KCNJ6: variants seen among roughly 807,000 people sequenced by gnomAD.
The protein encoded by KCNJ6 is G protein-activated inward rectifier potassium channel 2.
KCNJ6 carries 9 observed loss-of-function variants against 34.2 expected under a neutral mutation model. The observed-to-expected ratio is 0.26, with a 90% CI of 0.16 to 0.46. The LOEUF (loss-of-function observed/expected upper bound fraction) is 0.46, where lower values mean the gene tolerates loss of function less well. KCNJ6 is among the 20% of genes least tolerant of loss of function. KCNJ6 has a pLI of 1.00. For synonymous variants in KCNJ6, 196 were observed against 207.1 expected, an observed-to-expected ratio of 0.95 and a Z score of 0.46; for missense variants, 236 against 531.3, an observed-to-expected ratio of 0.44 and a Z score of 5.46.
chr21:37,719,994 G>T (rs857958), intron 2 of KCNJ6, among the ~76,000 whole-genome samples: 24,151 of 152,020 alleles, frequency 0.16, 2,031 homozygotes, highest in Middle Eastern at 0.22. Context: ...TTTTAATGTC[G>T]TGGGGAAAAC....
At chr21:37,888,703 T>G (rs1601518182) in intron 1 of KCNJ6, among the ~76,000 whole-genome samples, 1 of 152,032 alleles carries the variant, frequency 6.6e-6, no homozygotes, top group Non-Finnish European at 1.5e-5. Context: ...ATGGGTGAGT[T>G]TGGGGATCAC....
At chr21:37,711,579 C>T (rs2054752383) in intron 3 of KCNJ6, among the ~76,000 whole-genome samples, 1 of 152,184 alleles carries the variant, frequency 6.6e-6, no homozygotes, top group African/African-American at 2.4e-5. Context: ...ATTTGGTCCA[C>T]ATTTTTTTTT....
At chr21:37,776,106 T>C (rs1294144243) in intron 2 of KCNJ6, among the ~76,000 whole-genome samples, 1 of 152,218 alleles carries the variant, frequency 6.6e-6, no homozygotes, top group Non-Finnish European at 1.5e-5. Flanking sequence ...TTATTCTCTT[T>C]GAAGCAATTG....
chr21:37,652,495 T>A (rs2054438400), intron 3 of KCNJ6, among the ~76,000 whole-genome samples: 1 of 152,194 alleles, frequency 6.6e-6, no homozygotes, highest in Non-Finnish European at 1.5e-5. Flanking sequence ...GGGTTTTTGT[T>A]TTTTTTGTTG....
chr21:37,713,122 G>A (rs561155689), intron 3 of KCNJ6, among the ~76,000 whole-genome samples: 70 of 152,218 alleles, frequency 4.6e-4, no homozygotes, highest in African/African-American at 1.6e-3. Flanking sequence ...TTGGGTACAG[G>A]GAGGTAGAAA....
Position 37,755,922 on chromosome 21 carries a change from C to T in KCNJ6, c.26-40791G>A, listed in dbSNP as rs143679353. 1.4e-3 allele frequency among the ~76,000 whole-genome samples: 206 copies of T among 152,338 alleles called. 1 individual carries two copies. Among genetic ancestry groups the T allele is most frequent in the African/African-American group, 4.8e-3 (201 of 41,578 alleles). On this transcript the variant is annotated intron_variant, in intron 2 of 3. Coordinates refer to ENST00000609713, the MANE Select transcript of KCNJ6 (RefSeq NM_002240.5). ...CCCCATGCTGTGTGAGTGCTAAATGCGGAATGCAGGCACTTTGTGAAGTCT... is the reference window on the plus strand; with the variant it reads ...CCCCATGCTGTGTGAGTGCTAAATGTGGAATGCAGGCACTTTGTGAAGTCT...
intron 3 of KCNJ6, among the ~76,000 whole-genome samples, chr21:37,696,695 T>C (rs761294206): frequency 1.8e-4 from 27 of 152,290 alleles, no homozygotes; most frequent in Non-Finnish European, 3.4e-4. Context: ...TAGCATTATG[T>C]CAATATGCAT....
intron 1 of KCNJ6, among the ~76,000 whole-genome samples, chr21:37,850,146 TTTTG>T (rs1206010325): frequency 6.6e-6 from 1 of 152,182 alleles, no homozygotes; most frequent in African/African-American, 2.4e-5. Context: ...CCCTGATTCC[TTTTG>T]TTTTTCTTTG....
intron 2 of KCNJ6, among the ~76,000 whole-genome samples, chr21:37,802,613 A>G (rs1351583479): frequency 6.6e-6 from 1 of 152,242 alleles, no homozygotes; most frequent in African/African-American, 2.4e-5. Context: ...TAGAGCCTCC[A>G]GGAGGAACCC....
At chr21:37,838,244 C>A (rs773044573) in intron 2 of KCNJ6, among the ~76,000 whole-genome samples, 2 of 152,134 alleles carry the variant, frequency 1.3e-5, no homozygotes. Flanking sequence ...AACCTAAAAC[C>A]AATAAATCGA....
chr21:37,862,966 G>A lies in KCNJ6; in HGVS notation c.-27-22257C>T, dbSNP rs149087427. On this transcript the variant is annotated intron_variant, in intron 1 of 3. Coordinates refer to ENST00000609713, the MANE Select transcript of KCNJ6 (RefSeq NM_002240.5). Reference sequence around the variant, plus strand: ...ACTCTTAAAAAGGCTAGGAAGATTCGGACAAGGTGAATGGAGAGAGCCAAC... The same window carrying A: ...ACTCTTAAAAAGGCTAGGAAGATTCAGACAAGGTGAATGGAGAGAGCCAAC... Among the ~76,000 whole-genome samples, 940 of 152,270 alleles carry A rather than the reference G, an allele frequency of 6.2e-3. 5 individuals are homozygous for A. Among genetic ancestry groups the A allele is most frequent in the Non-Finnish European group, 0.01 (702 of 68,014 alleles).
At chr21:37,824,647 G>A (rs1261055829) in intron 2 of KCNJ6, among the ~76,000 whole-genome samples, 3 of 152,126 alleles carry the variant, frequency 2.0e-5, no homozygotes. Context: ...GCTCTCATGA[G>A]ATCTGATGGT....
At chr21:37,788,410 T>TC (rs1209057062) in intron 2 of KCNJ6, among the ~76,000 whole-genome samples, 1 of 152,122 alleles carries the variant, frequency 6.6e-6, no homozygotes, top group East Asian at 1.9e-4. Context: ...TTCTTATTCG[T>TC]CCCCCCACAT....
intron 3 of KCNJ6, among the ~76,000 whole-genome samples, chr21:37,643,678 A>G (rs2054391319): frequency 6.6e-6 from 1 of 152,172 alleles, no homozygotes; most frequent in Non-Finnish European, 1.5e-5. Context: ...CATCCTGTGC[A>G]AACTATTGGT....
intron 3 of KCNJ6, among the ~76,000 whole-genome samples, chr21:37,711,404 C>T (rs2054751461): frequency 1.3e-5 from 2 of 152,238 alleles, no homozygotes; most frequent in East Asian, 3.9e-4. Context: ...CTCGTGGAGA[C>T]CACTGAGCAC....
chr21:37,615,244 C>CTTTTTTTTTTTTTTTTTTTTTTTTTT lies in KCNJ6; in HGVS notation c.*9889_*9914dup, dbSNP rs1156939747. The CTTTTTTTTTTTTTTTTTTTTTTTTTT allele has an allele frequency of 1.0e-5, 1 of 98,890 alleles. No individual in the cohort carries two copies. Among genetic ancestry groups the CTTTTTTTTTTTTTTTTTTTTTTTTTT allele is most frequent in the African/African-American group, 4.0e-5 (1 of 25,164 alleles). 6.1% of individuals were successfully genotyped at this position (98,890 alleles called of 1,614,324 possible). The stretch of plus-strand genomic sequence containing the variant: ...ACCCTCGACTGACATTCCCAGCATT[C>CTTTTTTTTTTTTTTTTTTTTTTTTTT]TTTTTTTTTTTTTTTTTTTTTTTTT... On this transcript the variant is annotated 3_prime_UTR_variant, in exon 4 of 4. Coordinates refer to ENST00000609713, the MANE Select transcript of KCNJ6 (RefSeq NM_002240.5).
At chr21:37,837,873 T>C (rs2836011) in intron 2 of KCNJ6, among the ~76,000 whole-genome samples, 7,139 of 152,298 alleles carry the variant, frequency 0.047, 277 homozygotes, top group African/African-American at 0.097. Context: ...GTGTGTGGTA[T>C]ATTTAATTAG....
chr21:37,868,452 T>C (rs1169109582), intron 1 of KCNJ6, among the ~76,000 whole-genome samples: 2 of 152,162 alleles, frequency 1.3e-5, no homozygotes, highest in Non-Finnish European at 2.9e-5. Context: ...AAGAGAAGCA[T>C]TTGGAAAACT....
intron 2 of KCNJ6, among the ~76,000 whole-genome samples, chr21:37,814,455 T>C (rs2055336503): frequency 6.6e-6 from 1 of 152,160 alleles, no homozygotes; most frequent in African/African-American, 2.4e-5. Context: ...AGGAAATCAG[T>C]ATACTGAAGT....
Sources: allele counts gnomAD v4.1 joint callset (sites outside exome capture counted in the v4.1 genomes callset), GRCh38; gene constraint gnomAD v4.1.1; transcripts MANE v1.5; gene names NCBI Gene and HGNC (gene_info 2026-07-23, HGNC 2026-07-21).